Variants in KCTD16 observed in about 807,000 individuals in gnomAD.
The protein encoded by KCTD16 is potassium channel tetramerization domain containing 16.
A neutral mutation model predicts 33.2 loss-of-function variants in KCTD16; 13 were observed. The ratio of observed to expected loss-of-function variants is 0.39; its 90% confidence interval spans 0.25 to 0.62. The LOEUF (loss-of-function observed/expected upper bound fraction) is 0.62. KCTD16 is among the 20% of genes least tolerant of loss of function. KCTD16 has a pLI of 0.50. For synonymous variants in KCTD16, 197 were observed against 195.3 expected, an observed-to-expected ratio of 1.01 and a Z score of -0.07; for missense variants, 441 against 525.1, an observed-to-expected ratio of 0.84 and a Z score of 1.57.
At chr5:144,467,042 A>T (rs113621102) in intron 3 of KCTD16, among the ~76,000 whole-genome samples, 1 of 59,946 alleles carries the variant, frequency 1.7e-5, no homozygotes, top group East Asian at 1.1e-3. Context: ...TATTATATAT[A>T]ATATATATAA....
At chr5:144,213,411 TTCTC>T (rs1424037016) in intron 3 of KCTD16, among the ~76,000 whole-genome samples, 3 of 151,886 alleles carry the variant, frequency 2.0e-5, no homozygotes, top group South Asian at 2.1e-4. Context: ...CTTTCTTTTT[TTCTC>T]TCTCTCTTTC....
At position 144,329,341 on chromosome 5, in the gene KCTD16, C is replaced by G. The variant is rs114608548; in HGVS notation, c.832+121795C>G. 5.4e-3 allele frequency among the ~76,000 whole-genome samples: 819 copies of G among 152,220 alleles called. 7 individuals are homozygous for G. The highest frequency in any genetic ancestry group is 0.019 in the African/African-American group (775 of 41,526). ...CTCTGCAGGCTGATAGGATTTATGACCCCAGGGTTGGAAAAGCATAAAGAG... is the reference window on the plus strand; with the variant it reads ...CTCTGCAGGCTGATAGGATTTATGAGCCCAGGGTTGGAAAAGCATAAAGAG... On this transcript the variant is annotated intron_variant, in intron 3 of 3. Coordinates refer to ENST00000512467, the MANE Select transcript of KCTD16 (RefSeq NM_020768.4).
intron 3 of KCTD16, among the ~76,000 whole-genome samples, chr5:144,374,988 C>T (rs573079711): frequency 6.6e-6 from 1 of 152,300 alleles, no homozygotes; most frequent in South Asian, 2.1e-4. Context: ...TACATTGTTC[C>T]CCAGCAATTA....
intron 3 of KCTD16, among the ~76,000 whole-genome samples, chr5:144,376,430 A>G (rs1275148511): frequency 2.0e-5 from 3 of 152,172 alleles, no homozygotes; most frequent in Admixed American, 1.3e-4. Flanking sequence ...AAATGATTTG[A>G]TAAGACCTCC....
chr5:144,182,426 C>T (rs188916096), intron 2 of KCTD16, among the ~76,000 whole-genome samples: 148 of 152,198 alleles, frequency 9.7e-4, no homozygotes, highest in African/African-American at 3.3e-3. Context: ...AGAAACAAAG[C>T]CCTTTAAATA....
At chr5:144,413,781 T>A (rs1752985113) in intron 3 of KCTD16, among the ~76,000 whole-genome samples, 1 of 152,250 alleles carries the variant, frequency 6.6e-6, no homozygotes, top group African/African-American at 2.4e-5. Flanking sequence ...ACAAAGGGTA[T>A]AACTTACAAA....
At chr5:144,345,177 G>C (rs1468792477) in intron 3 of KCTD16, among the ~76,000 whole-genome samples, 1 of 147,266 alleles carries the variant, frequency 6.8e-6, no homozygotes, top group Non-Finnish European at 1.5e-5. Context: ...GACACAGGAA[G>C]GGGAACATCA....
Position 144,461,119 on chromosome 5 carries a change from GCATTTATTTTGCTAAGGT to G in KCTD16, c.833-12538_833-12521del, listed in dbSNP as rs367670619. Among the ~76,000 whole-genome samples the G allele has an allele frequency of 2.8e-3, 426 of 152,254 alleles. 3 individuals are homozygous for G. The highest frequency in any genetic ancestry group is 9.7e-3 in the African/African-American group (403 of 41,532). On this transcript the variant is annotated intron_variant, in intron 3 of 3. Coordinates refer to ENST00000512467, the MANE Select transcript of KCTD16 (RefSeq NM_020768.4). ...TCTTACAAAAAATGTAAGATATTGAGCATTTATTTTGCTAAGGTCAATTTTCTGTTTTCCACCGGGCTG... is the reference window on the plus strand; with the variant it reads ...TCTTACAAAAAATGTAAGATATTGAGCAATTTTCTGTTTTCCACCGGGCTG...
Position 144,271,640 on chromosome 5 carries a change from G to T in KCTD16, c.832+64094G>T, listed in dbSNP as rs146211319. On this transcript the variant is annotated intron_variant, in intron 3 of 3. Coordinates refer to ENST00000512467, the MANE Select transcript of KCTD16 (RefSeq NM_020768.4). ...CTTCTATTTAACGTAATACTTGGAA[G>T]TTTTAGCCAGAGCAGTTAGGTGAGA... Among the ~76,000 whole-genome samples, 544 of 152,106 alleles carry T rather than the reference G, an allele frequency of 3.6e-3. 15 individuals carry two copies. The highest frequency in any genetic ancestry group is 0.027 in the Admixed American group (415 of 15,256).
intron 3 of KCTD16, among the ~76,000 whole-genome samples, chr5:144,432,839 T>G (rs779595820): frequency 1.3e-5 from 2 of 152,152 alleles, no homozygotes; most frequent in Non-Finnish European, 2.9e-5. Flanking sequence ...CCTATATATG[T>G]CTATATGTAT....
chr5:144,405,203 G>A (rs1323951296), intron 3 of KCTD16, among the ~76,000 whole-genome samples: 1 of 152,154 alleles, frequency 6.6e-6, no homozygotes, highest in Non-Finnish European at 1.5e-5. Context: ...ATAATTACTT[G>A]TGTAAATTAA....
chr5:144,289,542 G>A (rs1289687145), intron 3 of KCTD16, among the ~76,000 whole-genome samples: 1 of 152,098 alleles, frequency 6.6e-6, no homozygotes, highest in African/African-American at 2.4e-5. Context: ...TTCCATGCTC[G>A]TACTTTCCTC....
chr5:144,398,167 C>A (rs1211740307), intron 3 of KCTD16, among the ~76,000 whole-genome samples: 1 of 152,196 alleles, frequency 6.6e-6, no homozygotes, highest in East Asian at 1.9e-4. Flanking sequence ...AATCCCACAG[C>A]AAAACCTATT....
intron 3 of KCTD16, among the ~76,000 whole-genome samples, chr5:144,213,585 T>C (rs1245681408): frequency 6.6e-6 from 1 of 152,184 alleles, no homozygotes; most frequent in African/African-American, 2.4e-5. Flanking sequence ...GCTCGTTAGA[T>C]CTAGACTCCA....
chr5:144,443,754 G>A (rs1450116866), intron 3 of KCTD16, among the ~76,000 whole-genome samples: 2 of 152,014 alleles, frequency 1.3e-5, no homozygotes, highest in African/African-American at 2.4e-5. Context: ...CTTGGCTAGT[G>A]GGAGCCTCTT....
At chr5:144,183,093 GT>G (rs1459785712) in intron 2 of KCTD16, among the ~76,000 whole-genome samples, 1 of 151,518 alleles carries the variant, frequency 6.6e-6, no homozygotes, top group Non-Finnish European at 1.5e-5. Flanking sequence ...CAAAATAAAC[GT>G]GAAAGAAAGA....
intron 3 of KCTD16, among the ~76,000 whole-genome samples, chr5:144,374,668 C>T (rs568110851): frequency 2.2e-4 from 33 of 152,250 alleles, no homozygotes; most frequent in African/African-American, 7.7e-4. Flanking sequence ...TGGACAATAA[C>T]CTCTTTGACT....
chr5:144,205,326 C>T, intron 2 of KCTD16: 1 of 387,130 alleles, frequency 2.6e-6, no homozygotes, highest in Non-Finnish European at 4.6e-6. Flanking sequence ...AAGCCATATT[C>T]CTTTAAGATG....
intron 3 of KCTD16, among the ~76,000 whole-genome samples, chr5:144,467,903 G>T (rs1754383634): frequency 6.6e-6 from 1 of 152,084 alleles, no homozygotes; most frequent in Admixed American, 6.6e-5. Context: ...AACCACACAG[G>T]CTAACTACAC....
Sources: gnomAD v4.1 joint callset for allele counts (sites outside exome capture counted in the v4.1 genomes callset) on GRCh38, gnomAD v4.1.1 for gene constraint, MANE v1.5 for transcripts, NCBI Gene and HGNC (gene_info 2026-07-23, HGNC 2026-07-21) for gene names.